TDP1: variants seen among roughly 807,000 people sequenced by gnomAD.
TDP1 encodes tyrosyl-DNA phosphodiesterase 1.
In TDP1, 64 loss-of-function variants were observed where a neutral mutation model predicts 81.5. The observed-to-expected ratio is 0.79, with a 90% confidence interval of 0.64 to 0.97. TDP1 has a LOEUF of 0.97. Among genes scored for constraint, TDP1 ranks in the 50% least tolerant of loss-of-function variants. The pLI is 0.00. For synonymous variants in TDP1, 256 were observed against 264.3 expected (o/e 0.97, Z 0.30); for missense variants, 723 against 743.8 (o/e 0.97, Z 0.33).
chr14:89,992,763 G>C (rs982534950), intron 13 of TDP1, among the ~76,000 whole-genome samples: 9 of 152,134 alleles, frequency 5.9e-5, no homozygotes, highest in African/African-American at 1.9e-4. Context: ...CAGACCATCT[G>C]TTAATCTGGA....
chr14:89,984,195 A>T (rs759281408), intron 8 of TDP1: 2 of 985,418 alleles, frequency 2.0e-6, no homozygotes, highest in Non-Finnish European at 2.4e-6. Context: ...AAAGCAATAT[A>T]TAGGTGCAGA....
At chr14:89,999,921 A>C (rs1486717890) in intron 14 of TDP1, among the ~76,000 whole-genome samples, 1 of 152,240 alleles carries the variant, frequency 6.6e-6, no homozygotes, top group Non-Finnish European at 1.5e-5. Flanking sequence ...AAGGGGGCTT[A>C]AAACAATACA....
intron 15 of TDP1, among the ~76,000 whole-genome samples, chr14:90,032,392 C>T (rs904063666): frequency 6.6e-6 from 1 of 151,974 alleles, no homozygotes. Context: ...GACGGACAAG[C>T]AGAATGCCAG....
At chr14:90,006,802 G>C (rs902207291) in intron 14 of TDP1, among the ~76,000 whole-genome samples, 20 of 152,120 alleles carry the variant, frequency 1.3e-4, no homozygotes, top group African/African-American at 3.9e-4. Context: ...GCCTCCCAAA[G>C]TGCTGGGATT....
chr14:89,983,259 C>T (rs930330995), intron 8 of TDP1: 1 of 402,924 alleles, frequency 2.5e-6, no homozygotes, highest in Non-Finnish European at 4.9e-6. Flanking sequence ...AGAGAGATCA[C>T]AGAGCTTACC....
intron 14 of TDP1, among the ~76,000 whole-genome samples, chr14:90,002,121 C>T (rs965462167): frequency 6.6e-6 from 1 of 152,160 alleles, no homozygotes; most frequent in Non-Finnish European, 1.5e-5. Flanking sequence ...GGTATGTCTT[C>T]CCATTCCTGT....
intron 6 of TDP1, among the ~76,000 whole-genome samples, chr14:89,974,682 C>T (rs534860028): frequency 2.6e-5 from 4 of 152,246 alleles, no homozygotes; most frequent in African/African-American, 9.6e-5. Flanking sequence ...TATGTGATCT[C>T]GTTCCTGACA....
At chr14:89,968,144 G>T (rs1893164470) in intron 5 of TDP1, among the ~76,000 whole-genome samples, 1 of 148,022 alleles carries the variant, frequency 6.8e-6, no homozygotes, top group Admixed American at 6.7e-5. Flanking sequence ...TTTTCAAGCA[G>T]CTTTGGCACT....
chr14:90,001,898 G>A (rs1050657352), intron 14 of TDP1, among the ~76,000 whole-genome samples: 8 of 151,198 alleles, frequency 5.3e-5, no homozygotes, highest in Non-Finnish European at 1.2e-4. Flanking sequence ...TGTAGGCATC[G>A]ACCTGGTTGC....
chr14:89,956,892 CTG>C (rs1041317762), intron 2 of TDP1, 92 bp downstream of exon 2: 9 of 152,278 alleles, frequency 5.9e-5, no homozygotes, highest in African/African-American at 2.2e-4. Flanking sequence ...GAGCGAGACT[CTG>C]TCTCAAAAAA....
In TDP1 at chr14:90,020,555, TTCCC is replaced by T. The variant is rs1412427587; in HGVS notation, c.1644+1151_1644+1154del. Among the ~76,000 whole-genome samples the T allele has an allele frequency of 9.7e-3, 144 of 14,802 alleles. 9 individuals carry two copies. The highest frequency in any genetic ancestry group is 0.081 in the African/African-American group (94 of 1,166). 9.7% of individuals were successfully genotyped at this position (14,802 alleles called of 152,430 possible). On this transcript the variant is annotated intron_variant, in intron 15 of 16. Transcript: ENST00000335725. ...TTCCTTCCCTCCCTCCCTTCCTTCCTTCCCTCCCTCCCTCCCTTCCTTCCTTCCC... is the reference window on the plus strand; with the variant it reads ...TTCCTTCCCTCCCTCCCTTCCTTCCTTCCCTCCCTCCCTTCCTTCCTTCCC...
chr14:89,962,873 C>CAA lies in TDP1; in HGVS notation c.-7-225_-7-224dup, dbSNP rs113407792. 55 of 718,334 alleles carry CAA rather than the reference C, an allele frequency of 7.7e-5. No individual in the cohort carries two copies. In the South Asian group the frequency reaches 2.0e-3, roughly 26 times the overall value. 44.5% of individuals were successfully genotyped at this position (718,334 alleles called of 1,614,324 possible). ...TGGGTGACAGAGCGAGACCCTGTTT[C>CAA]AAAAAAAAAAAGGAAGAAAAAAGAA... On this transcript the variant is annotated intron_variant, in intron 2 of 16. Transcript: ENST00000335725.
intron 14 of TDP1, among the ~76,000 whole-genome samples, chr14:90,015,721 C>T (rs1885232430): frequency 6.6e-6 from 1 of 152,156 alleles, no homozygotes. Context: ...CTGGGGTCTC[C>T]TTTATAAGGG....
At chr14:89,963,756 T>C in intron 3 of TDP1, 83 bp downstream of exon 3, 2 of 1,499,418 alleles carry the variant, frequency 1.3e-6, no homozygotes, top group Non-Finnish European at 1.8e-6. Context: ...CAGCCTAGAA[T>C]AGTTTCTGAG....
rs17126522 is a variant in TDP1, at chr14:89,985,156, A to G, written c.1077A>G (p.Pro359=). 42,206 of 1,611,166 alleles carry G rather than the reference A, an allele frequency of 0.026. 1,277 individuals carry two copies. The highest frequency in any genetic ancestry group is 0.16 in the African/African-American group (11,607 of 74,854). ...ETNVYLIGST[P]GRFQGSQKDN... Reference sequence around the variant, plus strand: ...GTGTTTATCTTATTGGTTCAACCCCAGGACGCTTTCAAGGAAGTCAAAAAG... The same window carrying G: ...GTGTTTATCTTATTGGTTCAACCCCGGGACGCTTTCAAGGAAGTCAAAAAG... Residue 359 remains proline (P), a synonymous_variant, in exon 10 of 17, where the codon CCA becomes CCG. Coordinates refer to ENST00000335725, the MANE Select transcript of TDP1 (RefSeq NM_018319.4).
At chr14:89,982,323 T>G (rs762783205) in intron 8 of TDP1, among the ~76,000 whole-genome samples, 1 of 152,232 alleles carries the variant, frequency 6.6e-6, no homozygotes, top group Non-Finnish European at 1.5e-5. Context: ...AGCACTTTCT[T>G]GATCTACTGA....
At chr14:89,994,075 C>T (rs1225585320) in intron 14 of TDP1, among the ~76,000 whole-genome samples, 2 of 152,154 alleles carry the variant, frequency 1.3e-5, no homozygotes, top group Admixed American at 1.3e-4. Flanking sequence ...AGATAAATTG[C>T]TATGCCCTTT....
Position 89,963,558 on chromosome 14 carries a change from A to AG in TDP1, c.448dup (p.Glu150GlyfsTer11), listed in dbSNP as rs36097072. On this transcript the variant is annotated frameshift_variant, in exon 3 of 17. Coordinates refer to ENST00000335725, the MANE Select transcript of TDP1 (RefSeq NM_018319.4). LOFTEE classifies it high-confidence loss of function. ...AGGAGGAAGACGAGTATGAGACATC[A>AG]GGGGAGGGCCAGGACATTTGGGACA... is the stretch of plus-strand genomic sequence containing the variant. 6.2e-7 allele frequency: 1 copy of AG among 1,612,164 alleles called. No individual in the cohort carries two copies. The highest frequency in any genetic ancestry group is 8.5e-7 in the Non-Finnish European group (1 of 1,178,924).
chr14:89,967,771 A>G (rs1361395965), intron 5 of TDP1, among the ~76,000 whole-genome samples: 1 of 152,308 alleles, frequency 6.6e-6, no homozygotes, highest in African/African-American at 2.4e-5. Context: ...CCAACGTGCC[A>G]TGCTTTCCGT....
Sources: allele counts gnomAD v4.1 joint callset (sites outside exome capture counted in the v4.1 genomes callset), GRCh38; gene constraint gnomAD v4.1.1; transcripts MANE v1.5; gene names NCBI Gene and HGNC (gene_info 2026-07-23, HGNC 2026-07-21).